The following KAT6B variants were observed in gnomAD, a reference collection of about 807,000 sequenced individuals.
KAT6B encodes the protein histone acetyltransferase KAT6B.
A neutral mutation model predicts 187.5 loss-of-function variants in KAT6B; 10 were observed. That is an observed-to-expected ratio of 0.05 (90% CI 0.03 to 0.09). KAT6B has a LOEUF of 0.09. KAT6B is among the 10% of genes least tolerant of loss of function. KAT6B has a pLI of 1.00. For synonymous variants in KAT6B, 861 were observed against 926.8 expected (o/e 0.93, Z 1.29); for missense variants, 1,952 against 2,558.9 (o/e 0.76, Z 5.12).
chr10:74,890,466 C>T (rs780089930), intron 3 of KAT6B, among the ~76,000 whole-genome samples: 3 of 152,076 alleles, frequency 2.0e-5, no homozygotes, highest in Middle Eastern at 3.2e-3. Flanking sequence ...ATGCAAAATC[C>T]CGTCCGTACT....
intron 3 of KAT6B, among the ~76,000 whole-genome samples, chr10:74,919,277 G>A (rs186872249): frequency 3.3e-3 from 495 of 152,048 alleles, no homozygotes; most frequent in Non-Finnish European, 5.4e-3. Context: ...TGAAGTTTTT[G>A]TACAATATAT....
At chr10:74,953,946 A>G (rs972873267) in intron 3 of KAT6B, among the ~76,000 whole-genome samples, 3 of 152,226 alleles carry the variant, frequency 2.0e-5, no homozygotes, top group African/African-American at 7.2e-5. Flanking sequence ...TTCCTTAGAA[A>G]ATGCTATCTT....
At position 74,968,806 on chromosome 10, in the gene KAT6B, G is replaced by A. The variant is rs200348799; in HGVS notation, c.731-854G>A. On this transcript the variant is annotated intron_variant, in intron 4 of 17. Coordinates refer to ENST00000287239, the MANE Select transcript of KAT6B (RefSeq NM_012330.4). ...AGCCTTCCAAAGAATCTAGGCTCAC[G>A]CTCCGCACACCTCTTGGAGGAATCT... Among the ~76,000 whole-genome samples the A allele has an allele frequency of 7.2e-5, 11 of 152,252 alleles. No individual in the cohort carries two copies. In the East Asian group the frequency reaches 1.5e-3, roughly 21 times the overall value.
At chr10:74,955,928 C>T (rs1332855515) in intron 3 of KAT6B, among the ~76,000 whole-genome samples, 1 of 151,968 alleles carries the variant, frequency 6.6e-6, no homozygotes, top group Non-Finnish European at 1.5e-5. Context: ...TGCCCCCTGC[C>T]TCCCTTCTTT....
chr10:74,958,848 A>G (rs1334891026), intron 3 of KAT6B, among the ~76,000 whole-genome samples: 10 of 151,438 alleles, frequency 6.6e-5, no homozygotes, highest in Admixed American at 3.9e-4. Flanking sequence ...GACCATCCTG[A>G]CCAACATGGT....
intron 3 of KAT6B, among the ~76,000 whole-genome samples, chr10:74,951,511 C>T (rs552931408): frequency 1.3e-5 from 2 of 151,950 alleles, no homozygotes; most frequent in Non-Finnish European, 2.9e-5. Context: ...AGGGGGAGTG[C>T]CACCACAACT....
chr10:74,978,499 G>C (rs1358041899), intron 9 of KAT6B, among the ~76,000 whole-genome samples: 1 of 152,118 alleles, frequency 6.6e-6, no homozygotes, highest in Admixed American at 6.5e-5. Flanking sequence ...GCCTACTTCT[G>C]ACATTCATAT....
intron 3 of KAT6B, among the ~76,000 whole-genome samples, chr10:74,928,847 A>G (rs1848669214): frequency 1.3e-5 from 2 of 152,218 alleles, no homozygotes; most frequent in East Asian, 1.9e-4. Flanking sequence ...AATGCCTACA[A>G]TGACTTTGAT....
At chr10:74,980,030 A>G (rs1186458488) in intron 10 of KAT6B, among the ~76,000 whole-genome samples, 2 of 152,168 alleles carry the variant, frequency 1.3e-5, no homozygotes, top group Admixed American at 6.5e-5. Flanking sequence ...GTGATAGGAC[A>G]TGCCTGTAAT....
chr10:75,006,124 C>T (rs867764665), intron 13 of KAT6B, among the ~76,000 whole-genome samples: 1 of 152,084 alleles, frequency 6.6e-6, no homozygotes, highest in African/African-American at 2.4e-5. Flanking sequence ...AACAAAAGTC[C>T]TCCTTGTCAT....
intron 2 of KAT6B, among the ~76,000 whole-genome samples, chr10:74,840,408 C>T (rs535155642): frequency 6.6e-6 from 1 of 152,250 alleles, no homozygotes; most frequent in East Asian, 1.9e-4. Context: ...ATTTGAAGGC[C>T]TCTCATACTG....
chr10:75,017,242 A>G (rs1036213228), intron 13 of KAT6B, among the ~76,000 whole-genome samples: 3 of 71,944 alleles, frequency 4.2e-5, no homozygotes, highest in African/African-American at 1.8e-4. Flanking sequence ...TGTAACTTAA[A>G]CCACCACATC....
chr10:74,885,049 G>GTAAAT (rs1445704441), intron 3 of KAT6B, among the ~76,000 whole-genome samples: 2 of 151,960 alleles, frequency 1.3e-5, no homozygotes, highest in Non-Finnish European at 1.5e-5. Flanking sequence ...TCTTGAAAAT[G>GTAAAT]TAAATTAATT....
intron 3 of KAT6B, among the ~76,000 whole-genome samples, chr10:74,845,005 C>T (rs1414005537): frequency 6.7e-6 from 1 of 149,880 alleles, no homozygotes; most frequent in Non-Finnish European, 1.5e-5. Context: ...TCACTTGAGC[C>T]CAGGAGTTCA....
chr10:74,837,995 T>TG (rs1780496187), intron 1 of KAT6B, among the ~76,000 whole-genome samples: 1 of 152,074 alleles, frequency 6.6e-6, no homozygotes, highest in African/African-American at 2.4e-5. Flanking sequence ...GTGTCGTGGC[T>TG]GGGGGAGGGG....
At chr10:74,859,586 G>C (rs1040367245) in intron 3 of KAT6B, among the ~76,000 whole-genome samples, 4 of 152,176 alleles carry the variant, frequency 2.6e-5, no homozygotes, top group Admixed American at 1.3e-4. Flanking sequence ...ATTTCACAAT[G>C]TTTCAGCAGT....
At position 74,975,902 on chromosome 10, in the gene KAT6B, C is replaced by A. The variant is rs200852439; in HGVS notation, c.1565C>A (p.Ser522Tyr). The A allele has an allele frequency of 2.3e-5, 37 of 1,614,148 alleles. No homozygotes were observed. The highest frequency in any genetic ancestry group is 3.3e-5 in the Admixed American group (2 of 60,006). Residue 522 changes from serine to tyrosine, a missense_variant, in exon 8 of 18, where the codon TCT becomes TAT. By Grantham distance (144) the Ser-to-Tyr change is moderately radical (BLOSUM62 -2). Around this residue, in one of 9 missense-constraint regions of KAT6B, gnomAD observed 417 missense variants for 508.9 expected, o/e 0.82. Transcript: ENST00000287239. ...TATSSPSPQS[S>Y]SSQCSVPSLS... ...ACTTCTTCTCCCTCTCCCCAGAGTT[C>A]TTCCAGCCAGTGCAGTGTGCCCTCC...
Position 74,870,339 on chromosome 10 carries a change from C to T in KAT6B, c.621+26861C>T, listed in dbSNP as rs1843827736. ...AAAACCAAATATGAGACCATGAGAC[C>T]TATATTGAAGGGCCCAAGGGCAGAT... is the stretch of plus-strand genomic sequence containing the variant. On this transcript the variant is annotated intron_variant, in intron 3 of 17. Transcript: ENST00000287239. Among the ~76,000 whole-genome samples the T allele has an allele frequency of 2.6e-5, 4 of 152,006 alleles. No homozygotes were observed. In the South Asian group the frequency reaches 8.3e-4, roughly 32 times the overall value.
At chr10:74,962,714 G>A (rs757090095) in intron 4 of KAT6B, among the ~76,000 whole-genome samples, 21 of 152,062 alleles carry the variant, frequency 1.4e-4, no homozygotes, top group African/African-American at 2.4e-4. Context: ...TTTAGACTCC[G>A]CTTAGATTTC....
Sources: gnomAD v4.1 joint callset for allele counts (sites outside exome capture counted in the v4.1 genomes callset) on GRCh38, gnomAD v4.1.1 for gene constraint, gnomAD v4.1.1 regional missense constraint, MANE v1.5 for transcripts, NCBI Gene and HGNC (gene_info 2026-07-23, HGNC 2026-07-21) for gene names.